SPATA1: variants seen among roughly 807,000 people sequenced by gnomAD.
The protein encoded by SPATA1 is spermatogenesis-associated protein 1.
A neutral mutation model predicts 59.6 loss-of-function variants in SPATA1; 57 were observed. The observed-to-expected ratio is 0.96, with a 90% CI of 0.77 to 1.19. The LOEUF is 1.19. SPATA1 is among the 50% of genes most tolerant of loss of function. The pLI, the probability that SPATA1 is intolerant of heterozygous loss-of-function variation, is 0.00. For synonymous variants in SPATA1, 147 were observed against 163.9 expected, an observed-to-expected ratio of 0.90 and a Z score of 0.79; for missense variants, 448 against 480.7, an observed-to-expected ratio of 0.93 and a Z score of 0.64.
rs375137973 is a variant in SPATA1 at position 84,544,598 on chromosome 1, T to C, written c.820+294T>C. Among the ~76,000 whole-genome samples the C allele has an allele frequency of 3.5e-3, 535 of 152,190 alleles. 1 individual carries two copies. The highest frequency in any genetic ancestry group is 7.1e-3 in the Admixed American group (109 of 15,300). On this transcript the variant is annotated intron_variant, in intron 9 of 12. Transcript: ENST00000490879. ...TTTTTTTAGACAGAGTCTGACTCTG[T>C]TGTCCAGGCTAGAGTGCAGTGGCGT...
chr1:84,528,513 C>T lies in SPATA1; in HGVS notation c.544+2440C>T, dbSNP rs191514312. On this transcript the variant is annotated intron_variant, in intron 6 of 12. Transcript: ENST00000490879. ...TATCATTTTGGACTCACTTCTCTTA[C>T]TCAACATTGTAAGAGTCAACCATAC... 4.3e-3 allele frequency among the ~76,000 whole-genome samples: 650 copies of T among 152,280 alleles called. 1 individual carries two copies. The highest frequency in any genetic ancestry group is 7.2e-3 in the Admixed American group (110 of 15,302).
At chr1:84,559,096 A>T (rs575261864), downstream of SPATA1, among the ~76,000 whole-genome samples, 1 of 152,088 alleles carries the variant, frequency 6.6e-6, no homozygotes, top group East Asian at 1.9e-4. Flanking sequence ...CAGACATTAA[A>T]TTTTTTGCAA....
chr1:84,563,578 TATG>T (rs1299967069), intron 4 of SPATA1, among the ~76,000 whole-genome samples: 2 of 152,134 alleles, frequency 1.3e-5, no homozygotes, highest in African/African-American at 2.4e-5. Flanking sequence ...AATGAAAATG[TATG>T]ATAATCATAA....
chr1:84,563,294 CA>C (rs1253875470), intron 4 of SPATA1: 1 of 1,584,286 alleles, frequency 6.3e-7, no homozygotes, highest in Admixed American at 1.8e-5. Flanking sequence ...ATCTTTATCC[CA>C]TAGGTTTCCA....
intron 6 of SPATA1, among the ~76,000 whole-genome samples, chr1:84,528,265 G>T (rs993237200): frequency 2.0e-5 from 3 of 152,056 alleles, no homozygotes; most frequent in Non-Finnish European, 2.9e-5. Flanking sequence ...GCACATTTAG[G>T]ATTATTATGT....
chr1:84,515,983 T>C (rs1005039121), intron 1 of SPATA1, among the ~76,000 whole-genome samples: 1 of 152,182 alleles, frequency 6.6e-6, no homozygotes, highest in Non-Finnish European at 1.5e-5. Flanking sequence ...CCTTAATTTT[T>C]GACCAAGAAA....
chr1:84,557,558 A>C (rs1684477585), downstream of SPATA1, among the ~76,000 whole-genome samples: 1 of 149,142 alleles, frequency 6.7e-6, no homozygotes, highest in Admixed American at 6.7e-5. Context: ...AAAAAAGAAA[A>C]AAAAAAAAAG....
chr1:84,558,533 C>T (rs1222417639), downstream of SPATA1, among the ~76,000 whole-genome samples: 14 of 150,982 alleles, frequency 9.3e-5, no homozygotes, highest in African/African-American at 1.5e-4. Context: ...CCTCGTGATC[C>T]GCCCGCCTCA....
intron 8 of SPATA1, among the ~76,000 whole-genome samples, chr1:84,535,844 A>G (rs1030749753): frequency 6.6e-6 from 1 of 152,036 alleles, no homozygotes; most frequent in African/African-American, 2.4e-5. Flanking sequence ...CCTGAGTGTG[A>G]GAAGTTGTAA....
At chr1:84,561,383 T>A (rs1011603903) in intron 4 of SPATA1, among the ~76,000 whole-genome samples, 8 of 152,336 alleles carry the variant, frequency 5.3e-5, no homozygotes, top group Non-Finnish European at 1.2e-4. Context: ...TTTGAATAGA[T>A]GAGGAGCTAC....
intron 2 of SPATA1, among the ~76,000 whole-genome samples, chr1:84,518,616 CT>C (rs1179625706): frequency 6.6e-6 from 1 of 151,830 alleles, no homozygotes; most frequent in African/African-American, 2.4e-5. Context: ...TATGTTTCCC[CT>C]CTACCTCCTT....
chr1:84,524,324 T>C (rs1683136997), intron 4 of SPATA1, among the ~76,000 whole-genome samples: 2 of 152,202 alleles, frequency 1.3e-5, no homozygotes, highest in East Asian at 3.9e-4. Flanking sequence ...GGAGAGCAAG[T>C]TGTAAAGTCG....
intron 9 of SPATA1, 145 bp downstream of exon 9, chr1:84,544,449 A>G: frequency 3.1e-6 from 2 of 634,932 alleles, no homozygotes; most frequent in Non-Finnish European, 5.5e-6. Flanking sequence ...TGGTTTCACA[A>G]CAGTGTGAAT....
At chr1:84,508,874 G>A (rs1292657195) in intron 1 of SPATA1, among the ~76,000 whole-genome samples, 2 of 152,062 alleles carry the variant, frequency 1.3e-5, no homozygotes, top group Non-Finnish European at 2.9e-5. Context: ...TTAAAGATCT[G>A]TACAAAGAAA....
downstream of SPATA1, chr1:84,554,778 G>A: frequency 2.2e-6 from 1 of 449,530 alleles, no homozygotes; most frequent in East Asian, 3.7e-5. Flanking sequence ...TCTAATAGAG[G>A]AATATTTAAT....
intron 2 of SPATA1, among the ~76,000 whole-genome samples, chr1:84,517,856 C>G (rs2101928364): frequency 6.6e-6 from 1 of 152,198 alleles, no homozygotes; most frequent in Non-Finnish European, 1.5e-5. Flanking sequence ...AGCTTCATAA[C>G]AAGTTCTCTT....
downstream of SPATA1, chr1:84,554,713 G>A (rs575879419): frequency 4.1e-5 from 11 of 269,372 alleles, no homozygotes; most frequent in Admixed American, 4.8e-4. Context: ...AGGGAAATAT[G>A]GCATAATAAA....
At chr1:84,563,754 G>A in intron 4 of SPATA1, 1 of 1,600,862 alleles carries the variant, frequency 6.2e-7, no homozygotes, top group Non-Finnish European at 8.5e-7. Flanking sequence ...ATTCAGGCAG[G>A]TATAATCATA....
intron 3 of SPATA1, among the ~76,000 whole-genome samples, chr1:84,521,157 G>A (rs1321144722): frequency 2.2e-5 from 3 of 137,252 alleles, no homozygotes; most frequent in African/African-American, 7.8e-5. Flanking sequence ...GAGGGAGAGA[G>A]AAGAAGGAAG....
Sources: gnomAD v4.1 joint callset for allele counts (sites outside exome capture counted in the v4.1 genomes callset) on GRCh38, gnomAD v4.1.1 for gene constraint, MANE v1.5 for transcripts, NCBI Gene and HGNC (gene_info 2026-07-23, HGNC 2026-07-21) for gene names.